The following LRRK2 variants were observed in gnomAD, a reference collection of about 807,000 sequenced individuals.
LRRK2 encodes leucine-rich repeat serine/threonine-protein kinase 2.
A neutral mutation model predicts 302.6 loss-of-function variants in LRRK2; 203 were observed. That is an observed-to-expected ratio of 0.67 (90% CI 0.60 to 0.75). The LOEUF is 0.75. Among genes scored for constraint, LRRK2 ranks in the 30% least tolerant of loss-of-function variants. The pLI is 0.00. For missense variants in LRRK2, 2,830 were observed against 2,951.0 expected (o/e 0.96, Z 0.95); for synonymous variants, 1,066 against 1,031.9 (o/e 1.03, Z -0.63).
intron 39 of LRRK2, among the ~76,000 whole-genome samples, chr12:40,329,218 C>T (rs1334347425): frequency 6.6e-6 from 1 of 152,180 alleles, no homozygotes. Flanking sequence ...CTGTCCCTGT[C>T]CACTTCCTAA....
intron 39 of LRRK2, among the ~76,000 whole-genome samples, chr12:40,328,760 G>A (rs1222867941): frequency 2.0e-5 from 3 of 152,096 alleles, no homozygotes; most frequent in Non-Finnish European, 4.4e-5. Flanking sequence ...TTCAAAATGT[G>A]CTCCATGGAC....
intron 10 of LRRK2, among the ~76,000 whole-genome samples, chr12:40,252,616 T>C (rs1485500301): frequency 6.6e-6 from 1 of 152,194 alleles, no homozygotes; most frequent in East Asian, 1.9e-4. Flanking sequence ...CTTGTTTCCA[T>C]TCTCTTCTCC....
At chr12:40,319,402 T>G (rs1404096254) in intron 33 of LRRK2, among the ~76,000 whole-genome samples, 2 of 152,034 alleles carry the variant, frequency 1.3e-5, no homozygotes, top group African/African-American at 4.8e-5. Context: ...CAAAGTGTGA[T>G]CTCTGTGTTA....
intron 6 of LRRK2, among the ~76,000 whole-genome samples, chr12:40,243,101 AT>A (rs1300180686): frequency 6.6e-6 from 1 of 151,938 alleles, no homozygotes; most frequent in African/African-American, 2.4e-5. Context: ...ATCTATGTCA[AT>A]CACAACACAA....
Position 40,274,566 on chromosome 12 carries a change from T to C in LRRK2, c.1657-17T>C. 1 of 1,613,064 alleles carries C rather than the reference T, an allele frequency of 6.2e-7. No individual in the cohort carries two copies. On this transcript the variant is annotated splice_polypyrimidine_tract_variant and intron_variant, in intron 14 of 50. Coordinates refer to ENST00000298910, the MANE Select transcript of LRRK2 (RefSeq NM_198578.4). Reference sequence around the variant, plus strand: ...TTAAGATCTCATTTTTAACAGCGAGTATTCTTTTGATTTTAGTTCATTGGA... The same window carrying C: ...TTAAGATCTCATTTTTAACAGCGAGCATTCTTTTGATTTTAGTTCATTGGA...
Position 40,281,656 on chromosome 12 carries a change from A to G in LRRK2, c.2242-2219A>G, listed in dbSNP as rs189826136. On this transcript the variant is annotated intron_variant, in intron 18 of 50. Transcript: ENST00000298910. ...TAAAGAGAATGACTCTGTAGGATTT[A>G]AAGAAATTAATTCTTATTTTTGCTG... Among the ~76,000 whole-genome samples, 141 of 152,366 alleles carry G rather than the reference A, an allele frequency of 9.3e-4. 1 individual carries two copies. The highest frequency in any genetic ancestry group is 3.3e-3 in the African/African-American group (137 of 41,590).
In LRRK2 at chr12:40,287,496, T is replaced by C; in HGVS notation, c.2646T>C (p.Ser882=). The change falls in exon 20 of 51, where the codon TCT becomes TCC. Residue 882 remains serine, a synonymous_variant. Transcript: ENST00000298910. ...FDEWTFIPDS[S]MDSVFAQSDD... is the part of the protein sequence containing the mutation. ...AATGGACCTTTATTCCTGACTCTTC[T>C]ATGGACAGTGTGTTTGCTCAAAGTG... is the stretch of plus-strand genomic sequence containing the variant. 3.1e-6 allele frequency: 5 copies of C among 1,612,762 alleles called. No homozygotes were observed. Among genetic ancestry groups the C allele is most frequent in the East Asian group, 2.2e-5 (1 of 44,846 alleles).
chr12:40,359,242 C>T lies in LRRK2; in HGVS notation c.6844-18C>T, dbSNP rs201208420. ...ATACTCAATTTGCTGAGTGTGTTTTCTTTTTTTTTTGGCAAAGCTTAAAGG... is the reference window on the plus strand; with the variant it reads ...ATACTCAATTTGCTGAGTGTGTTTTTTTTTTTTTTTGGCAAAGCTTAAAGG... On this transcript the variant is annotated intron_variant, in intron 46 of 50. Coordinates refer to ENST00000298910, the MANE Select transcript of LRRK2 (RefSeq NM_198578.4). 1.9e-5 allele frequency: 25 copies of T among 1,283,770 alleles called. No individual in the cohort carries two copies. Among genetic ancestry groups the T allele is most frequent in the East Asian group, 5.2e-5 (2 of 38,518 alleles). The allele number at this position is 1,283,770 out of a possible 1,614,324, so 79.5% of individuals were successfully genotyped here.
intron 11 of LRRK2, 45 bp downstream of exon 11, chr12:40,253,061 G>A (rs1476472883): frequency 6.1e-6 from 8 of 1,310,796 alleles, no homozygotes; most frequent in East Asian, 2.3e-5. Context: ...ACACATTTTT[G>A]TGGTATTTTT....
intron 7 of LRRK2, among the ~76,000 whole-genome samples, chr12:40,248,243 TCAC>T (rs1942096410): frequency 2.0e-5 from 3 of 152,228 alleles, no homozygotes; most frequent in Non-Finnish European, 4.4e-5. Context: ...AAATGTGAAT[TCAC>T]CTTAATTTCT....
chr12:40,352,133 T>C (rs891986043), intron 44 of LRRK2, among the ~76,000 whole-genome samples: 1 of 152,172 alleles, frequency 6.6e-6, no homozygotes, highest in Non-Finnish European at 1.5e-5. Context: ...GGAGCCAGTC[T>C]TTCATTCTCA....
intron 33 of LRRK2, among the ~76,000 whole-genome samples, chr12:40,317,027 G>C: frequency 6.6e-6 from 1 of 152,032 alleles, no homozygotes; most frequent in East Asian, 1.9e-4. Flanking sequence ...ATCTTATACA[G>C]TAGAATAAGG....
chr12:40,225,191 A>G lies in LRRK2; in HGVS notation c.60A>G (p.Ile20Met). Residue 20 changes from isoleucine to methionine, a missense_variant, in exon 1 of 51, where the codon ATA (isoleucine) becomes ATG (methionine). Transcript: ENST00000298910. ...ACGAGGAAACTCTGAAGAAGTTGATAGTCAGGCTGAACAATGTCCAGGAAG... is the reference window on the plus strand; with the variant it reads ...ACGAGGAAACTCTGAAGAAGTTGATGGTCAGGCTGAACAATGTCCAGGAAG... ...EEDEETLKKL[I>M]VRLNNVQEGK... is the part of the protein sequence containing the mutation. 18 of 1,614,204 alleles carry G rather than the reference A, an allele frequency of 1.1e-5. No homozygotes were observed. The highest frequency in any genetic ancestry group is 1.5e-5 in the Non-Finnish European group (18 of 1,180,014).
At chr12:40,353,747 C>G (rs1030066115) in intron 44 of LRRK2, among the ~76,000 whole-genome samples, 3 of 152,216 alleles carry the variant, frequency 2.0e-5, no homozygotes, top group Non-Finnish European at 2.9e-5. Context: ...CTCGGGAGGC[C>G]GAGGCTGGCA....
chr12:40,292,409 A>G (rs1213486680), intron 20 of LRRK2, among the ~76,000 whole-genome samples: 2 of 152,020 alleles, frequency 1.3e-5, no homozygotes, highest in Admixed American at 6.6e-5. Flanking sequence ...TCAAGAAAAC[A>G]TTAGAAATTT....
chr12:40,299,328 C>A lies in LRRK2; in HGVS notation c.3496+71C>A, dbSNP rs1944532214. ...GTACAAGATGAGTCATATATGGACCCTTTAGTTGTGGATTTAAAAGTGGCA... is the reference window on the plus strand; with the variant it reads ...GTACAAGATGAGTCATATATGGACCATTTAGTTGTGGATTTAAAAGTGGCA... On this transcript the variant is annotated intron_variant, in intron 25 of 50. Transcript: ENST00000298910. 7.3e-6 allele frequency: 11 copies of A among 1,511,818 alleles called. No homozygotes were observed. In the South Asian group the frequency reaches 1.2e-4, roughly 16 times the overall value. The allele number at this position is 1,511,818 out of a possible 1,614,324, so 93.7% of individuals were successfully genotyped here.
chr12:40,304,038 T>G lies in LRRK2; in HGVS notation c.3681T>G (p.Phe1227Leu), dbSNP rs780608663. 3 of 1,613,748 alleles carry G rather than the reference T, an allele frequency of 1.9e-6. No homozygotes were observed. The highest frequency in any genetic ancestry group is 2.5e-6 in the Non-Finnish European group (3 of 1,179,750). ...CTTTGAACTTAAGGGAACTCTTATTTAGCCATAATCAGATCAGCATCTTGG... is the reference window on the plus strand; with the variant it reads ...CTTTGAACTTAAGGGAACTCTTATTGAGCCATAATCAGATCAGCATCTTGG... The part of the protein sequence containing the change: ...WKSLNLRELL[F>L]SHNQISILDL... The change falls in exon 27 of 51, where the codon TTT becomes TTG. Residue 1227 changes from phenylalanine to leucine, a missense_variant. Physicochemically the swap from Phe to Leu is conservative, Grantham distance 22. This residue lies in a region of LRRK2 where 2,121 missense variants were observed against 2,148.0 expected (regional missense o/e 0.99). Transcript: ENST00000298910.
At chr12:40,245,107 G>C (rs959613505) in intron 7 of LRRK2, among the ~76,000 whole-genome samples, 1 of 150,168 alleles carries the variant, frequency 6.7e-6, no homozygotes, top group African/African-American at 2.4e-5. Flanking sequence ...CAGTTCCTTT[G>C]TGATTTACTC....
chr12:40,318,248 A>G (rs964726721), intron 33 of LRRK2, among the ~76,000 whole-genome samples: 4 of 152,216 alleles, frequency 2.6e-5, no homozygotes, highest in East Asian at 1.9e-4. Context: ...AAGAGACTCT[A>G]TATGAATAGC....
Sources: gnomAD v4.1 joint callset for allele counts (sites outside exome capture counted in the v4.1 genomes callset) on GRCh38, gnomAD v4.1.1 for gene constraint, gnomAD v4.1.1 regional missense constraint, MANE v1.5 for transcripts, NCBI Gene and HGNC (gene_info 2026-07-23, HGNC 2026-07-21) for gene names.